Variants in NIN observed in about 807,000 individuals in gnomAD.
NIN encodes glycogen synthase kinase 3 beta-interacting protein.
A neutral mutation model predicts 257.6 loss-of-function variants in NIN; 137 were observed. The ratio of observed to expected loss-of-function variants is 0.53; its 90% CI spans 0.46 to 0.61. The LOEUF (loss-of-function observed/expected upper bound fraction) is 0.61. Among genes scored for constraint, NIN ranks in the 20% least tolerant of loss-of-function variants. NIN has a pLI of 0.00. For synonymous variants in NIN, 918 were observed against 919.8 expected (o/e 1.00, Z 0.04); for missense variants, 2,439 against 2,501.2 (o/e 0.98, Z 0.53).
chr14:50,782,869 C>A (rs2043189379), intron 5 of NIN, among the ~76,000 whole-genome samples: 1 of 152,178 alleles, frequency 6.6e-6, no homozygotes, highest in African/African-American at 2.4e-5. Flanking sequence ...GATGCCAATG[C>A]CTCCTAAAGT....
chr14:50,771,113 C>A, intron 10 of NIN, 121 bp from the exon 11 acceptor site: 1 of 1,313,852 alleles, frequency 7.6e-7, no homozygotes, highest in South Asian at 1.5e-5. Flanking sequence ...AAAACCCTCC[C>A]AAAGCAAAAA....
intron 24 of NIN, 149 bp downstream of exon 24, chr14:50,743,267 C>T (rs2041375601): frequency 5.1e-6 from 3 of 593,880 alleles, no homozygotes; most frequent in East Asian, 6.3e-5. Context: ...CCTTGCCACA[C>T]TATAAACACA....
At chr14:50,731,364 T>C (rs1272606951) in intron 28 of NIN, among the ~76,000 whole-genome samples, 1 of 151,936 alleles carries the variant, frequency 6.6e-6, no homozygotes, top group Non-Finnish European at 1.5e-5. Context: ...ACCCCGTCTC[T>C]ACTAAAAGTA....
chr14:50,723,517 T>G lies in NIN; in HGVS notation c.6348A>C (p.Ile2116=), dbSNP rs2040309036. Residue 2116 remains isoleucine (I), a synonymous_variant, in exon 31 of 31, where the codon ATA becomes ATC. Coordinates refer to ENST00000530997, the MANE Select transcript of NIN (RefSeq NM_020921.4). ...ATGGCGCTGGTGTCAGATTCCTAAC[T>G]ATATTACTGAGGCTGGCAATCTTCT... ...LEEKIASLSN[I]VRNLTPAPLT... 2 of 1,613,638 alleles carry G rather than the reference T, an allele frequency of 1.2e-6. No individual in the cohort carries two copies. The highest frequency in any genetic ancestry group is 2.7e-5 in the African/African-American group (2 of 74,902).
At chr14:50,798,158 A>C (rs922872602) in intron 4 of NIN, among the ~76,000 whole-genome samples, 1 of 152,198 alleles carries the variant, frequency 6.6e-6, no homozygotes, top group Non-Finnish European at 1.5e-5. Context: ...TTCTGTGTGC[A>C]CTAAGCCCTT....
At chr14:50,750,347 A>G (rs2041735207) in intron 21 of NIN, among the ~76,000 whole-genome samples, 2 of 152,130 alleles carry the variant, frequency 1.3e-5, no homozygotes, top group South Asian at 4.1e-4. Context: ...AGTTTATCCA[A>G]ATACCGCAGA....
At chr14:50,770,818 T>G (rs765495682) in intron 11 of NIN, 34 bp downstream of exon 11, 1 of 1,598,882 alleles carries the variant, frequency 6.3e-7, no homozygotes, top group South Asian at 1.1e-5. Flanking sequence ...GCCAGGGTGG[T>G]GGGTGAGGAG....
chr14:50,765,638 C>T (rs1232056172), intron 14 of NIN, among the ~76,000 whole-genome samples: 3 of 151,484 alleles, frequency 2.0e-5, no homozygotes, highest in South Asian at 4.1e-4. Flanking sequence ...GTTTCCATCT[C>T]TCCTGGCCGA....
rs564778772 is a variant in NIN at position 50,829,307 on chromosome 14, G to A, written c.-22+1157C>T. ...GGAGCAAGAGCCACCAATATTCCAG[G>A]TCAGCCACCTATATAATATGCTCAC... On this transcript the variant is annotated intron_variant, in intron 2 of 30. Coordinates refer to ENST00000530997, the MANE Select transcript of NIN (RefSeq NM_020921.4). Among the ~76,000 whole-genome samples, 23 of 152,240 alleles carry A rather than the reference G, an allele frequency of 1.5e-4. 1 individual carries two copies. Among genetic ancestry groups the A allele is most frequent in the Middle Eastern group, 3.4e-3 (1 of 294 alleles).
chr14:50,723,027 G>A lies in NIN; in HGVS notation c.*436C>T, dbSNP rs1595682688. ...CCAAAACTATTATAATGACTTTCCAGTATTTAAATATGTAAGAACACCTAA... is the reference window on the plus strand; with the variant it reads ...CCAAAACTATTATAATGACTTTCCAATATTTAAATATGTAAGAACACCTAA... On this transcript the variant is annotated 3_prime_UTR_variant, in exon 31 of 31. Coordinates refer to ENST00000530997, the MANE Select transcript of NIN (RefSeq NM_020921.4). The A allele has an allele frequency of 4.8e-6, 1 of 210,216 alleles. No individual in the cohort carries two copies. Among genetic ancestry groups the A allele is most frequent in the East Asian group, 7.5e-5 (1 of 13,316 alleles). The allele number at this position is 210,216 out of a possible 1,614,324, so 13.0% of individuals were successfully genotyped here.
intron 28 of NIN, 149 bp from the exon 29 acceptor site, chr14:50,729,872 C>T (rs1011056165): frequency 4.4e-5 from 24 of 545,016 alleles, no homozygotes; most frequent in Admixed American, 7.5e-5. Context: ...CATATGGGCC[C>T]GAGGAATACA....
chr14:50,771,417 C>T lies in NIN; in HGVS notation c.1033G>A (p.Ala345Thr), dbSNP rs1163853442. Residue 345 changes from alanine to threonine, a missense_variant, in exon 10 of 31, where the codon GCC (alanine) becomes ACC (threonine). Around this residue, in one of 3 missense-constraint regions of NIN, gnomAD observed 387 missense variants for 427.3 expected, o/e 0.91. Transcript: ENST00000530997. Reference sequence around the variant, plus strand: ...GTAACCAAAAGTTCATTTTCAAGGGCCAGTGTTAATTCTGTCAAATTGATG... The same window carrying T: ...GTAACCAAAAGTTCATTTTCAAGGGTCAGTGTTAATTCTGTCAAATTGATG... ...GNINLTELTL[A>T]LENELLVTKN... The T allele has an allele frequency of 6.2e-7, 1 of 1,613,988 alleles. No individual in the cohort carries two copies. The highest frequency in any genetic ancestry group is 1.3e-5 in the African/African-American group (1 of 74,902).
intron 27 of NIN, among the ~76,000 whole-genome samples, chr14:50,736,900 AAAAG>A (rs1286098093): frequency 6.6e-6 from 1 of 152,210 alleles, no homozygotes; most frequent in East Asian, 1.9e-4. Context: ...TCAGTTTAGA[AAAAG>A]AAAAGTAACA....
At chr14:50,730,929 A>G (rs2040661558) in intron 28 of NIN, 1 of 1,346,784 alleles carries the variant, frequency 7.4e-7, no homozygotes, top group Non-Finnish European at 9.8e-7. Context: ...CTACCTTCAC[A>G]CACTATCTCA....
At chr14:50,816,210 G>A (rs770638107) in intron 3 of NIN, among the ~76,000 whole-genome samples, 1 of 151,902 alleles carries the variant, frequency 6.6e-6, no homozygotes, top group East Asian at 1.9e-4. Context: ...CATTGGACCT[G>A]TGAGGTGGGG....
At chr14:50,790,182 G>A (rs1383307750) in intron 5 of NIN, among the ~76,000 whole-genome samples, 1 of 152,128 alleles carries the variant, frequency 6.6e-6, no homozygotes, top group African/African-American at 2.4e-5. Flanking sequence ...AGCCTCCCCA[G>A]TAGCTGGGAC....
At chr14:50,727,633 T>G (rs2040474027) in intron 29 of NIN, 3 of 1,443,978 alleles carry the variant, frequency 2.1e-6, no homozygotes, top group Non-Finnish European at 2.8e-6. Context: ...TGTGCATGGG[T>G]GGGTGTGTGC....
At chr14:50,789,642 G>A (rs776608245) in intron 5 of NIN, among the ~76,000 whole-genome samples, 3 of 152,166 alleles carry the variant, frequency 2.0e-5, no homozygotes, top group African/African-American at 4.8e-5. Context: ...ATTATAAGAG[G>A]AAGAAATCAA....
chr14:50,758,460 T>C lies in NIN; in HGVS notation c.2570A>G (p.Gln857Arg). The C allele has an allele frequency of 6.2e-7, 1 of 1,614,142 alleles. No homozygotes were observed. Among genetic ancestry groups the C allele is most frequent in the East Asian group, 2.2e-5 (1 of 44,872 alleles). The change falls in exon 18 of 31, where the codon CAG becomes CGG. Residue 857 changes from glutamine (Q) to arginine (R), a missense_variant. This residue lies in a region of NIN where 2,043 missense variants were observed against 2,050.2 expected (regional missense o/e 1.00). Transcript: ENST00000530997. ...GAGCTCGTCCTTCTCAAATTCCCAC[T>C]GGGATTTCTCCTCACGCTGCTGTTC... Reference protein sequence around the residue: ...LQEQQREEKSQWEFEKDELTQ... With the variant: ...LQEQQREEKSRWEFEKDELTQ...
Sources: gnomAD v4.1 joint callset for allele counts (sites outside exome capture counted in the v4.1 genomes callset) on GRCh38, gnomAD v4.1.1 for gene constraint, gnomAD v4.1.1 regional missense constraint, MANE v1.5 for transcripts, NCBI Gene and HGNC (gene_info 2026-07-23, HGNC 2026-07-21) for gene names.